Variants in ITFG1 observed in about 807,000 individuals in gnomAD.
The protein encoded by ITFG1 is integrin alpha FG-GAP repeat containing 1, also known as T-cell immunomodulatory protein.
ITFG1 carries 34 observed loss-of-function variants against 81.8 expected under a neutral mutation model. The observed-to-expected ratio is 0.42, with a 90% CI of 0.32 to 0.55. The LOEUF (loss-of-function observed/expected upper bound fraction) is 0.55. Among genes scored for constraint, ITFG1 ranks in the 20% least tolerant of loss-of-function variants. ITFG1 has a pLI of 0.17. For missense variants in ITFG1, 672 were observed against 755.4 expected, an observed-to-expected ratio of 0.89 and a Z score of 1.29; for synonymous variants, 285 against 270.6, an observed-to-expected ratio of 1.05 and a Z score of -0.52.
chr16:47,356,389 T>C (rs1189696469), intron 8 of ITFG1, among the ~76,000 whole-genome samples: 1 of 152,202 alleles, frequency 6.6e-6, no homozygotes, highest in Non-Finnish European at 1.5e-5. Flanking sequence ...TTTCTCTTGA[T>C]TAAATTCAAC....
chr16:47,267,125 ACT>A (rs1966286378), intron 10 of ITFG1, among the ~76,000 whole-genome samples: 1 of 152,116 alleles, frequency 6.6e-6, no homozygotes, highest in Non-Finnish European at 1.5e-5. Flanking sequence ...TGGTTATATA[ACT>A]CTATGCATAT....
intron 12 of ITFG1, among the ~76,000 whole-genome samples, chr16:47,247,318 T>C (rs1966012663): frequency 6.6e-6 from 1 of 152,232 alleles, no homozygotes; most frequent in Admixed American, 6.5e-5. Flanking sequence ...TAGATGTAAA[T>C]TCTTCATGAA....
At position 47,254,990 on chromosome 16, in the gene ITFG1, G is replaced by A. The variant is rs191467738; in HGVS notation, c.1330+3642C>T. 5.9e-5 allele frequency among the ~76,000 whole-genome samples: 9 copies of A among 152,306 alleles called. No individual in the cohort carries two copies. In the East Asian group the frequency reaches 1.7e-3, roughly 29 times the overall value. ...TAATCCCAGCTACTTTGGAAGCTGA[G>A]GCATGAGAATTGCTTCAACCTGGGA... is the stretch of plus-strand genomic sequence containing the variant. On this transcript the variant is annotated intron_variant, in intron 12 of 17. Transcript: ENST00000320640.
At chr16:47,372,455 CTT>C (rs894738202) in intron 7 of ITFG1, among the ~76,000 whole-genome samples, 3 of 143,116 alleles carry the variant, frequency 2.1e-5, no homozygotes. Flanking sequence ...CTATTTCTCT[CTT>C]TTTTTTTTTT....
chr16:47,361,776 G>C (rs868642716), intron 8 of ITFG1, among the ~76,000 whole-genome samples: 7 of 152,054 alleles, frequency 4.6e-5, no homozygotes, highest in Admixed American at 2.6e-4. Context: ...GTCTTTTCTT[G>C]GTCTTCTTTT....
At chr16:47,281,626 T>C (rs1966452111) in intron 10 of ITFG1, among the ~76,000 whole-genome samples, 1 of 152,172 alleles carries the variant, frequency 6.6e-6, no homozygotes, top group East Asian at 1.9e-4. Flanking sequence ...TTTCAAGGAA[T>C]TGTTAAATTA....
At chr16:47,375,618 G>A (rs754722851) in intron 7 of ITFG1, among the ~76,000 whole-genome samples, 3 of 152,206 alleles carry the variant, frequency 2.0e-5, no homozygotes, top group Non-Finnish European at 4.4e-5. Context: ...CAGGGGTCCT[G>A]TTAACATGCA....
At chr16:47,347,330 C>T (rs1596915884) in intron 8 of ITFG1, among the ~76,000 whole-genome samples, 1 of 152,228 alleles carries the variant, frequency 6.6e-6, no homozygotes, top group Non-Finnish European at 1.5e-5. Flanking sequence ...CCTGGAAAAT[C>T]GGGTCACTCC....
chr16:47,360,928 C>T (rs760678397), intron 8 of ITFG1, among the ~76,000 whole-genome samples: 11 of 152,070 alleles, frequency 7.2e-5, no homozygotes, highest in Non-Finnish European at 1.5e-4. Context: ...TACCTTTCTC[C>T]TTTACTTTAC....
chr16:47,299,554 C>T (rs1367244708), intron 10 of ITFG1: 1 of 152,338 alleles, frequency 6.6e-6, no homozygotes, highest in African/African-American at 2.4e-5. Flanking sequence ...GGTTGGAGGA[C>T]AGTTCTCAGG....
intron 10 of ITFG1, among the ~76,000 whole-genome samples, chr16:47,306,967 G>A (rs1054437779): frequency 3.3e-5 from 5 of 151,374 alleles, no homozygotes; most frequent in South Asian, 2.1e-4. Flanking sequence ...GGTGGCGGGC[G>A]CCTCTAGTCC....
chr16:47,187,065 G>T (rs1965228388), intron 14 of ITFG1, among the ~76,000 whole-genome samples: 1 of 152,018 alleles, frequency 6.6e-6, no homozygotes, highest in African/African-American at 2.4e-5. Flanking sequence ...GGATGTGAAG[G>T]ACCTCTTCAA....
At chr16:47,445,035 C>A (rs186290836) in intron 5 of ITFG1, among the ~76,000 whole-genome samples, 1 of 150,968 alleles carries the variant, frequency 6.6e-6, no homozygotes, top group Non-Finnish European at 1.5e-5. Context: ...TCCAGTGCAT[C>A]CGAATTCAGA....
In ITFG1 at chr16:47,260,086, A is replaced by G. The variant is rs552292087; in HGVS notation, c.1221+459T>C. Among the ~76,000 whole-genome samples the G allele has an allele frequency of 3.9e-5, 6 of 151,942 alleles. No homozygotes were observed. In the East Asian group the frequency reaches 9.7e-4, roughly 25 times the overall value. ...CCCCAGCAGCTGGGACTACAGGCAC[A>G]CGCCACCACGCCCGGCTAATTTTTG... On this transcript the variant is annotated intron_variant, in intron 11 of 17. Coordinates refer to ENST00000320640, the MANE Select transcript of ITFG1 (RefSeq NM_030790.5).
intron 10 of ITFG1, among the ~76,000 whole-genome samples, chr16:47,265,990 T>C (rs1966270568): frequency 6.6e-6 from 1 of 152,138 alleles, no homozygotes; most frequent in Non-Finnish European, 1.5e-5. Context: ...GCATATGGAA[T>C]ATACAAGAAA....
In ITFG1 at chr16:47,451,471, CT is replaced by C; in HGVS notation, c.486-2del. ...ATCAGGAATTAGATCACCATTGAAA[CT>C]GAAAAAAAATTAAAACAATAAGCAG... On this transcript the variant is annotated splice_acceptor_variant, in intron 4 of 17. Transcript: ENST00000320640. LOFTEE classifies it high-confidence loss of function. The C allele has an allele frequency of 6.6e-7, 1 of 1,516,680 alleles. No homozygotes were observed. The highest frequency in any genetic ancestry group is 9.1e-7 in the Non-Finnish European group (1 of 1,100,894). The allele number at this position is 1,516,680 out of a possible 1,614,324, so 94.0% of individuals were successfully genotyped here.
intron 14 of ITFG1, among the ~76,000 whole-genome samples, chr16:47,170,777 C>T (rs902812900): frequency 1.4e-5 from 2 of 145,402 alleles, no homozygotes; most frequent in African/African-American, 5.2e-5. Flanking sequence ...ACTCTGTCAC[C>T]CAGGCTGGAA....
At chr16:47,159,304 T>C (rs186258292) in intron 16 of ITFG1, among the ~76,000 whole-genome samples, 24 of 152,244 alleles carry the variant, frequency 1.6e-4, no homozygotes, top group Non-Finnish European at 2.1e-4. Flanking sequence ...TATCCAAGGG[T>C]ACTTTGGATA....
At chr16:47,245,084 T>C (rs1361982662) in intron 12 of ITFG1, among the ~76,000 whole-genome samples, 1 of 152,172 alleles carries the variant, frequency 6.6e-6, no homozygotes, top group African/African-American at 2.4e-5. Context: ...CGGTGGCTCA[T>C]GCCTGTAATC....
Sources: gnomAD v4.1 joint callset for allele counts (sites outside exome capture counted in the v4.1 genomes callset) on GRCh38, gnomAD v4.1.1 for gene constraint, MANE v1.5 for transcripts, NCBI Gene and HGNC (gene_info 2026-07-23, HGNC 2026-07-21) for gene names.